The following PLD5 variants were observed in gnomAD, a reference collection of about 807,000 sequenced individuals.
The protein encoded by PLD5 is phospholipase D family member 5.
A neutral mutation model predicts 61.1 loss-of-function variants in PLD5; 36 were observed. The ratio of observed to expected loss-of-function variants is 0.59; its 90% CI spans 0.45 to 0.78. PLD5 has a LOEUF of 0.78. Among genes scored for constraint, PLD5 ranks in the 30% least tolerant of loss-of-function variants. The probability of loss-of-function intolerance (pLI) is 0.00; values close to 1 mark genes in which losing one functional copy is unlikely to be tolerated. For missense variants in PLD5, 515 were observed against 644.4 expected (o/e 0.80, Z 2.17); for synonymous variants, 243 against 242.8 (o/e 1.00, Z -0.01).
intron 1 of PLD5, among the ~76,000 whole-genome samples, chr1:242,485,418 T>C (rs1347331714): frequency 6.6e-6 from 1 of 151,188 alleles, no homozygotes; most frequent in Non-Finnish European, 1.5e-5. Context: ...TACACACCAA[T>C]AACAGACAAA....
intron 1 of PLD5, among the ~76,000 whole-genome samples, chr1:242,434,281 T>C (rs533976093): frequency 2.3e-4 from 35 of 152,308 alleles, no homozygotes; most frequent in Non-Finnish European, 3.7e-4. Flanking sequence ...ATGGACTGCA[T>C]GTCAGGAGTG....
intron 1 of PLD5, among the ~76,000 whole-genome samples, chr1:242,513,249 C>T (rs1044892458): frequency 6.6e-6 from 1 of 152,266 alleles, no homozygotes; most frequent in Admixed American, 6.5e-5. Context: ...CCGTCTTATT[C>T]TTTCACTCAA....
At position 242,470,567 on chromosome 1, in the gene PLD5, A is replaced by T. The variant is rs74635847; in HGVS notation, c.189+53521T>A. On this transcript the variant is annotated intron_variant, in intron 1 of 9. Transcript: ENST00000536534. ...ATGTTACAAGAATTAAGAAAAATGT[A>T]ATCAGCTACTAGAGTCTAGCCACAT... is the stretch of plus-strand genomic sequence containing the variant. 1.8e-3 allele frequency among the ~76,000 whole-genome samples: 276 copies of T among 152,286 alleles called. 3 individuals are homozygous for T. The South Asian group carries it at 0.031, about 17-fold the overall frequency.
intron 1 of PLD5, 48 bp from the exon 2 acceptor site, chr1:242,348,290 C>A: frequency 6.5e-7 from 1 of 1,548,850 alleles, no homozygotes; most frequent in South Asian, 1.2e-5. Flanking sequence ...GCTGCTTTCT[C>A]TTGGGAAACT....
chr1:242,095,062 G>A (rs1466777982), intron 9 of PLD5, among the ~76,000 whole-genome samples: 1 of 151,870 alleles, frequency 6.6e-6, no homozygotes, highest in Non-Finnish European at 1.5e-5. Flanking sequence ...TCAGCCTCCT[G>A]TGTACCTGGG....
At chr1:242,434,578 T>C (rs999717159) in intron 1 of PLD5, among the ~76,000 whole-genome samples, 4 of 152,178 alleles carry the variant, frequency 2.6e-5, no homozygotes, top group Non-Finnish European at 4.4e-5. Context: ...TCATATGTTA[T>C]CTATGGTCTA....
chr1:242,410,519 C>T (rs977476743), intron 1 of PLD5, among the ~76,000 whole-genome samples: 1 of 151,986 alleles, frequency 6.6e-6, no homozygotes, highest in Non-Finnish European at 1.5e-5. Context: ...AGTTAAGATA[C>T]CTACTGTTGA....
intron 1 of PLD5, among the ~76,000 whole-genome samples, chr1:242,403,468 CTTTTTT>C (rs199559256): frequency 5.8e-5 from 8 of 139,020 alleles, no homozygotes; most frequent in African/African-American, 2.1e-4. Context: ...CTTGGATAGG[CTTTTTT>C]TTTTTTTTTT....
At chr1:242,164,223 C>A (rs1042158594) in intron 5 of PLD5, among the ~76,000 whole-genome samples, 6 of 151,218 alleles carry the variant, frequency 4.0e-5, no homozygotes, top group Non-Finnish European at 8.8e-5. Flanking sequence ...TGCAGAAAAA[C>A]CATCTGTTCT....
chr1:242,083,857 C>A lies in PLD5; in HGVS notation c.*5997G>T, dbSNP rs561313249. The A allele has an allele frequency of 1.3e-5, 2 of 152,126 alleles. No homozygotes were observed. The highest frequency in any genetic ancestry group is 1.3e-4 in the Admixed American group (2 of 15,284). The allele number at this position is 152,126 out of a possible 1,614,324, so 9.4% of individuals were successfully genotyped here. ...AATCCTGGGAATTGAGGTCATATTTCCAAGATTGGTTGTGCATTTGTGTGG... is the reference window on the plus strand; with the variant it reads ...AATCCTGGGAATTGAGGTCATATTTACAAGATTGGTTGTGCATTTGTGTGG... On this transcript the variant is annotated 3_prime_UTR_variant, in exon 10 of 10. Coordinates refer to ENST00000536534, the MANE Select transcript of PLD5 (RefSeq NM_001372062.1).
At chr1:242,156,295 C>G (rs993974255) in intron 5 of PLD5, among the ~76,000 whole-genome samples, 1 of 152,132 alleles carries the variant, frequency 6.6e-6, no homozygotes, top group African/African-American at 2.4e-5. Context: ...TAGGTCTTGA[C>G]TCTTTATCCA....
chr1:242,270,695 A>G (rs1674010601), intron 3 of PLD5, among the ~76,000 whole-genome samples: 1 of 152,150 alleles, frequency 6.6e-6, no homozygotes. Context: ...TCTTAGCCCT[A>G]TATGAGTGTT....
At chr1:242,357,549 T>C (rs533454848) in intron 1 of PLD5, among the ~76,000 whole-genome samples, 1 of 151,498 alleles carries the variant, frequency 6.6e-6, no homozygotes, top group East Asian at 1.9e-4. Context: ...GCAATGGCAT[T>C]ATCTTGGCTC....
chr1:242,481,578 G>A (rs1667778297), intron 1 of PLD5, among the ~76,000 whole-genome samples: 1 of 152,228 alleles, frequency 6.6e-6, no homozygotes, highest in South Asian at 2.1e-4. Context: ...GAACTGGGTG[G>A]AGCCCACCAC....
In PLD5 at chr1:242,468,673, A is replaced by G. The variant is rs140159976; in HGVS notation, c.189+55415T>C. ...TGGGTCAATATCAGCATATGTAAAT[A>G]CATACACACACACACATACACACAC... On this transcript the variant is annotated intron_variant, in intron 1 of 9. Coordinates refer to ENST00000536534, the MANE Select transcript of PLD5 (RefSeq NM_001372062.1). 3.6e-4 allele frequency among the ~76,000 whole-genome samples: 54 copies of G among 152,020 alleles called. No individual in the cohort carries two copies. In the East Asian group the frequency reaches 9.8e-3, roughly 28 times the overall value.
chr1:242,389,201 T>C lies in PLD5; in HGVS notation c.190-40959A>G, dbSNP rs549389201. Among the ~76,000 whole-genome samples the C allele has an allele frequency of 3.7e-4, 57 of 152,282 alleles. No individual in the cohort carries two copies. In the East Asian group the frequency reaches 8.5e-3, roughly 23 times the overall value. On this transcript the variant is annotated intron_variant, in intron 1 of 9. Coordinates refer to ENST00000536534, the MANE Select transcript of PLD5 (RefSeq NM_001372062.1). Reference sequence around the variant, plus strand: ...CTTTTCAACTGTGATTTGTAACTCATGTCCTAACTTTGTAAGTAAATACTT... The same window carrying C: ...CTTTTCAACTGTGATTTGTAACTCACGTCCTAACTTTGTAAGTAAATACTT...
chr1:242,425,442 C>T (rs769542702), intron 1 of PLD5, among the ~76,000 whole-genome samples: 7 of 151,972 alleles, frequency 4.6e-5, no homozygotes, highest in East Asian at 3.9e-4. Flanking sequence ...CTGTAGAGGG[C>T]GCATACAATA....
chr1:242,290,584 C>T (rs533390992), intron 2 of PLD5, among the ~76,000 whole-genome samples: 4 of 152,010 alleles, frequency 2.6e-5, no homozygotes, highest in African/African-American at 7.2e-5. Flanking sequence ...CACACCTGTA[C>T]GCCACTGGCA....
chr1:242,107,916 A>G, intron 7 of PLD5, 77 bp from the exon 8 acceptor site: 1 of 1,328,806 alleles, frequency 7.5e-7, no homozygotes, highest in South Asian at 1.5e-5. Context: ...AGCATAGAAC[A>G]TTGATATTAC....
Sources: allele counts gnomAD v4.1 joint callset (sites outside exome capture counted in the v4.1 genomes callset), GRCh38; gene constraint gnomAD v4.1.1; transcripts MANE v1.5; gene names NCBI Gene and HGNC (gene_info 2026-07-23, HGNC 2026-07-21).